Variants in LUZP2 observed in about 807,000 individuals in gnomAD.
LUZP2 encodes the protein leucine zipper protein 2.
A neutral mutation model predicts 51.6 loss-of-function variants in LUZP2; 52 were observed. That is an observed-to-expected ratio of 1.01 (90% CI 0.81 to 1.27). LUZP2 has a LOEUF of 1.27. LUZP2 is among the 50% of genes most tolerant of loss of function. LUZP2 has a pLI of 0.00. For missense variants in LUZP2, 436 were observed against 395.4 expected (o/e 1.10, Z -0.87); for synonymous variants, 154 against 137.3 (o/e 1.12, Z -0.85).
intron 2 of LUZP2, among the ~76,000 whole-genome samples, chr11:24,731,503 T>C (rs72884426): frequency 0.24 from 36,835 of 151,616 alleles, 5,504 homozygotes; most frequent in East Asian, 0.47. Context: ...CTGTAATTCA[T>C]AGTCTCTGAA....
chr11:24,632,478 C>A (rs1854930781), intron 1 of LUZP2, among the ~76,000 whole-genome samples: 1 of 151,970 alleles, frequency 6.6e-6, no homozygotes, highest in Non-Finnish European at 1.5e-5. Context: ...CAGTGCACTG[C>A]AAGAAGTGAG....
intron 1 of LUZP2, among the ~76,000 whole-genome samples, chr11:24,699,728 C>A (rs11028111): frequency 6.8e-6 from 1 of 147,226 alleles, no homozygotes; most frequent in African/African-American, 2.5e-5. Context: ...TATTTAGGTG[C>A]TATATATATT....
At chr11:25,018,043 T>TTTTTTTTG (rs140118006) in intron 9 of LUZP2, among the ~76,000 whole-genome samples, 1 of 30,738 alleles carries the variant, frequency 3.3e-5, no homozygotes, top group African/African-American at 7.5e-5. Flanking sequence ...TTCTGTTTTT[T>TTTTTTTTG]TTTTGTTTTT....
At chr11:24,664,296 T>C (rs1383427679) in intron 1 of LUZP2, among the ~76,000 whole-genome samples, 2 of 152,100 alleles carry the variant, frequency 1.3e-5, no homozygotes, top group Admixed American at 6.5e-5. Flanking sequence ...AACTTTGAAT[T>C]TGAAAGACGA....
intron 1 of LUZP2, among the ~76,000 whole-genome samples, chr11:24,533,902 A>T (rs936414489): frequency 6.6e-6 from 1 of 151,232 alleles, no homozygotes; most frequent in Admixed American, 6.6e-5. Flanking sequence ...TCCCTTCTCT[A>T]TCTCCTCAAC....
intron 1 of LUZP2, among the ~76,000 whole-genome samples, chr11:24,540,574 G>A (rs1255119513): frequency 6.6e-6 from 1 of 152,124 alleles, no homozygotes; most frequent in Non-Finnish European, 1.5e-5. Flanking sequence ...CCAGAAGTGT[G>A]AGAAAATAAA....
At chr11:24,731,711 G>A (rs1858719885) in intron 2 of LUZP2, among the ~76,000 whole-genome samples, 1 of 151,702 alleles carries the variant, frequency 6.6e-6, no homozygotes, top group Non-Finnish European at 1.5e-5. Flanking sequence ...ATCTTGAATT[G>A]TGTTATTTCC....
chr11:24,562,625 G>C (rs1021352569), intron 1 of LUZP2, among the ~76,000 whole-genome samples: 7 of 150,976 alleles, frequency 4.6e-5, no homozygotes. Context: ...AGGCTGAGGC[G>C]AGCAGATCAC....
chr11:25,005,250 G>A (rs1047647413), intron 9 of LUZP2, among the ~76,000 whole-genome samples: 3 of 152,236 alleles, frequency 2.0e-5, no homozygotes, highest in South Asian at 4.1e-4. Flanking sequence ...GGGAGCTATA[G>A]GGAGGCTAGG....
At chr11:24,973,064 T>TTTG (rs1855791810) in intron 7 of LUZP2, among the ~76,000 whole-genome samples, 1 of 150,276 alleles carries the variant, frequency 6.7e-6, no homozygotes, top group African/African-American at 2.4e-5. Context: ...CTGGGTTTTT[T>TTTG]TTTTTTTTTT....
At chr11:24,926,112 G>T (rs1053126592) in intron 7 of LUZP2, among the ~76,000 whole-genome samples, 2 of 151,182 alleles carry the variant, frequency 1.3e-5, no homozygotes, top group African/African-American at 4.9e-5. Flanking sequence ...GTGTGTGTTT[G>T]TGTGTGTATA....
chr11:24,542,267 G>A (rs190782167), intron 1 of LUZP2, among the ~76,000 whole-genome samples: 1 of 152,158 alleles, frequency 6.6e-6, no homozygotes, highest in East Asian at 2.0e-4. Context: ...CTCTTTGGTA[G>A]AAGAGAAAGT....
intron 7 of LUZP2, among the ~76,000 whole-genome samples, chr11:24,953,696 A>T (rs969000087): frequency 1.3e-5 from 2 of 152,050 alleles, no homozygotes; most frequent in Non-Finnish European, 2.9e-5. Context: ...TTGGAAGAAT[A>T]TAAGAATCCT....
chr11:24,868,728 A>G (rs1457383805), intron 5 of LUZP2, among the ~76,000 whole-genome samples: 1 of 152,092 alleles, frequency 6.6e-6, no homozygotes, highest in Non-Finnish European at 1.5e-5. Context: ...ATCTCCCCCA[A>G]AAGGATTTTA....
intron 1 of LUZP2, among the ~76,000 whole-genome samples, chr11:24,546,410 C>T (rs961564158): frequency 2.0e-5 from 3 of 152,046 alleles, no homozygotes; most frequent in African/African-American, 7.2e-5. Context: ...ATGAGGATGA[C>T]TGTGGGTTTG....
chr11:24,605,424 A>G (rs1333541506), intron 1 of LUZP2, among the ~76,000 whole-genome samples: 1 of 151,780 alleles, frequency 6.6e-6, no homozygotes. Flanking sequence ...CTCTTTAAAA[A>G]CAAAACAAAA....
chr11:24,921,609 A>G (rs1470332021), intron 7 of LUZP2, among the ~76,000 whole-genome samples: 1 of 152,096 alleles, frequency 6.6e-6, no homozygotes, highest in Non-Finnish European at 1.5e-5. Context: ...GTTATTTTTT[A>G]TTACAGGAAC....
chr11:24,658,851 C>G (rs1417728981), intron 1 of LUZP2, among the ~76,000 whole-genome samples: 6 of 152,156 alleles, frequency 3.9e-5, no homozygotes, highest in Non-Finnish European at 8.8e-5. Flanking sequence ...CAGAGAAATG[C>G]AAATCAAAAC....
chr11:24,969,300 T>C (rs1855679322), intron 7 of LUZP2, among the ~76,000 whole-genome samples: 1 of 152,136 alleles, frequency 6.6e-6, no homozygotes, highest in African/African-American at 2.4e-5. Context: ...CTAAGGATAA[T>C]AGCCTAATCC....
Sources: gnomAD v4.1 joint callset for allele counts (sites outside exome capture counted in the v4.1 genomes callset) on GRCh38, gnomAD v4.1.1 for gene constraint, MANE v1.5 for transcripts, NCBI Gene and HGNC (gene_info 2026-07-23, HGNC 2026-07-21) for gene names.